TAFA2: variants seen among roughly 807,000 people sequenced by gnomAD.
The protein encoded by TAFA2 is TAFA chemokine like family member 2.
TAFA2 carries 7 observed loss-of-function variants against 18.8 expected under a neutral mutation model. The ratio of observed to expected loss-of-function variants is 0.37; its 90% confidence interval spans 0.21 to 0.70. TAFA2 has a LOEUF of 0.70. Among genes scored for constraint, TAFA2 ranks in the 30% least tolerant of loss-of-function variants. TAFA2 has a pLI of 0.53. For synonymous variants in TAFA2, 60 were observed against 54.2 expected (o/e 1.11, Z -0.47); for missense variants, 122 against 158.1 (o/e 0.77, Z 1.23).
chr12:61,925,732 G>A (rs1877260729), intron 1 of TAFA2, among the ~76,000 whole-genome samples: 1 of 152,078 alleles, frequency 6.6e-6, no homozygotes, highest in African/African-American at 2.4e-5. Flanking sequence ...AACACTAAAT[G>A]CCCACAAAAG....
At chr12:61,919,579 G>A (rs1276372041) in intron 1 of TAFA2, among the ~76,000 whole-genome samples, 4 of 152,032 alleles carry the variant, frequency 2.6e-5, no homozygotes, top group Non-Finnish European at 5.9e-5. Context: ...CTGATCCAAG[G>A]TAACTTAGTG....
intron 1 of TAFA2, among the ~76,000 whole-genome samples, chr12:61,995,121 C>T (rs1202692558): frequency 6.6e-6 from 1 of 152,198 alleles, no homozygotes; most frequent in Non-Finnish European, 1.5e-5. Flanking sequence ...TAAAACCCAA[C>T]TTCCTTATAA....
intron 4 of TAFA2, among the ~76,000 whole-genome samples, chr12:61,718,417 G>C (rs2120577252): frequency 6.6e-6 from 1 of 152,208 alleles, no homozygotes; most frequent in South Asian, 2.1e-4. Flanking sequence ...AAAAACATTT[G>C]TTAAGACAAG....
At chr12:62,006,805 C>T (rs1237447083) in intron 1 of TAFA2, among the ~76,000 whole-genome samples, 1 of 152,076 alleles carries the variant, frequency 6.6e-6, no homozygotes. Flanking sequence ...TTAGTAAGCC[C>T]CCATCAACCA....
Position 62,227,136 on chromosome 12 carries a change from A to G in TAFA2, c.-130+31627T>C, listed in dbSNP as rs78547505. Reference sequence around the variant, plus strand: ...CTCACTTTATTTCTTGTTATTCCATACCTTGCACTTTGTGTTCTGGTGGTG... The same window carrying G: ...CTCACTTTATTTCTTGTTATTCCATGCCTTGCACTTTGTGTTCTGGTGGTG... On this transcript the variant is annotated intron_variant, in intron 1 of 5. Transcript: ENST00000551619. Among the ~76,000 whole-genome samples the G allele has an allele frequency of 6.6e-3, 997 of 152,178 alleles. 2 individuals carry two copies. Among genetic ancestry groups the G allele is most frequent in the Non-Finnish European group, 0.011 (781 of 67,988 alleles).
chr12:62,181,846 A>T (rs1387560434), intron 1 of TAFA2, among the ~76,000 whole-genome samples: 1 of 152,226 alleles, frequency 6.6e-6, no homozygotes, highest in Non-Finnish European at 1.5e-5. Context: ...ATCATAAAGT[A>T]TTATGTCTTC....
At chr12:61,716,440 T>C in intron 4 of TAFA2, among the ~76,000 whole-genome samples, 1 of 152,180 alleles carries the variant, frequency 6.6e-6, no homozygotes, top group South Asian at 2.1e-4. Flanking sequence ...GGTTCCTCTA[T>C]TATTTTTCTT....
chr12:62,071,894 T>C lies in TAFA2; in HGVS notation c.-2+119365A>G, dbSNP rs549158773. ...GAAATACAGTTGTGTTTTGGCTGTG[T>C]TCTTTTTGAGATGCCTAGAACATTA... On this transcript the variant is annotated intron_variant, in intron 1 of 4. Transcript: ENST00000416284. 3.9e-5 allele frequency among the ~76,000 whole-genome samples: 6 copies of C among 152,334 alleles called. No homozygotes were observed. In the South Asian group the frequency reaches 8.3e-4, roughly 21 times the overall value.
chr12:62,258,463 C>T, intron 1 of TAFA2: 1 of 152,570 alleles, frequency 6.6e-6, no homozygotes, highest in Non-Finnish European at 1.5e-5. Context: ...TGATTTATTG[C>T]TACTTGGTTA....
intron 1 of TAFA2, chr12:61,880,045 C>G (rs941360786): frequency 8.5e-6 from 6 of 704,590 alleles, no homozygotes; most frequent in Middle Eastern, 3.8e-4. Context: ...TGATCTCGGA[C>G]ACGTCTGTGG....
intron 1 of TAFA2, among the ~76,000 whole-genome samples, chr12:61,901,478 C>T (rs1324480613): frequency 6.6e-6 from 1 of 151,180 alleles, no homozygotes; most frequent in African/African-American, 2.4e-5. Flanking sequence ...TATTCTTCAA[C>T]TTTGTAGTTG....
chr12:61,867,457 G>T (rs373409433), intron 1 of TAFA2, 31 bp from the exon 2 acceptor site: 1 of 1,327,784 alleles, frequency 7.5e-7, no homozygotes, highest in Non-Finnish European at 1.1e-6. Context: ...AAAATCATAA[G>T]TATGCAAATT....
At chr12:62,045,107 G>T (rs186772527) in intron 1 of TAFA2, among the ~76,000 whole-genome samples, 1 of 152,228 alleles carries the variant, frequency 6.6e-6, no homozygotes, top group East Asian at 1.9e-4. Flanking sequence ...GACATCTGAG[G>T]CACAGATACT....
chr12:62,251,640 A>T (rs977147497), intron 1 of TAFA2, among the ~76,000 whole-genome samples: 2 of 152,222 alleles, frequency 1.3e-5, no homozygotes, highest in African/African-American at 4.8e-5. Context: ...GCAGAGAAAG[A>T]AAGTGGGCTG....
intron 1 of TAFA2, among the ~76,000 whole-genome samples, chr12:61,996,105 A>C (rs1880178459): frequency 6.6e-6 from 1 of 152,162 alleles, no homozygotes; most frequent in Non-Finnish European, 1.5e-5. Flanking sequence ...GGGTACTATA[A>C]AAATAAATGA....
rs1320366193 is a variant in TAFA2 at position 61,909,455 on chromosome 12, G to A, written c.-1-42029C>T. ...TCAAGACTGAATCCTGATGCTATCA[G>A]CCAGGAAAGAGTATGGTGATAGCAG... On this transcript the variant is annotated intron_variant, in intron 1 of 4. Transcript: ENST00000416284. Among the ~76,000 whole-genome samples the A allele has an allele frequency of 2.0e-4, 31 of 152,150 alleles. 1 individual carries two copies. Among genetic ancestry groups the A allele is most frequent in the Admixed American group, 2.0e-3 (31 of 15,266 alleles).
At chr12:61,945,064 C>G (rs1486388108) in intron 1 of TAFA2, among the ~76,000 whole-genome samples, 2 of 146,322 alleles carry the variant, frequency 1.4e-5, no homozygotes, top group Non-Finnish European at 3.0e-5. Flanking sequence ...CAATAAAATA[C>G]TGGCAAACCG....
intron 1 of TAFA2, among the ~76,000 whole-genome samples, chr12:62,199,518 T>C (rs1011175175): frequency 6.6e-6 from 1 of 152,104 alleles, no homozygotes; most frequent in African/African-American, 2.4e-5. Flanking sequence ...CTCCATCCAT[T>C]TCCCTGCAAA....
intron 2 of TAFA2, among the ~76,000 whole-genome samples, chr12:61,799,262 A>G (rs1242770846): frequency 6.6e-6 from 1 of 152,188 alleles, no homozygotes; most frequent in East Asian, 1.9e-4. Context: ...TGCTGTTTAT[A>G]GTTCACTTCT....
Sources: gnomAD v4.1 joint callset for allele counts (sites outside exome capture counted in the v4.1 genomes callset) on GRCh38, gnomAD v4.1.1 for gene constraint, MANE v1.5 for transcripts, NCBI Gene and HGNC (gene_info 2026-07-23, HGNC 2026-07-21) for gene names.